AXDND1: variants seen among roughly 807,000 people sequenced by gnomAD.
AXDND1 encodes the protein axonemal dynein light chain domain-containing protein 1.
A neutral mutation model predicts 137.5 loss-of-function variants in AXDND1; 110 were observed. The observed-to-expected ratio is 0.80, with a 90% CI of 0.69 to 0.94. AXDND1 has a LOEUF of 0.94. AXDND1 is among the 40% of genes least tolerant of loss of function. The pLI is 0.00. For missense variants in AXDND1, 1,191 were observed against 1,169.8 expected (o/e 1.02, Z -0.26); for synonymous variants, 414 against 399.7 (o/e 1.04, Z -0.43).
intron 17 of AXDND1, among the ~76,000 whole-genome samples, chr1:179,473,489 ACT>A (rs1267030959): frequency 4.0e-5 from 6 of 151,722 alleles, no homozygotes; most frequent in African/African-American, 1.5e-4. Context: ...CAGCAGTGAA[ACT>A]CTGTCTCAAA....
At chr1:179,511,404 G>GTC (rs1669048847) in intron 21 of AXDND1, among the ~76,000 whole-genome samples, 1 of 150,146 alleles carries the variant, frequency 6.7e-6, no homozygotes, top group Non-Finnish European at 1.5e-5. Context: ...GTGTGTGTGT[G>GTC]TGTGTGTGTG....
At chr1:179,463,098 G>GT (rs1267254679) in intron 16 of AXDND1, among the ~76,000 whole-genome samples, 5 of 152,052 alleles carry the variant, frequency 3.3e-5, no homozygotes, top group African/African-American at 1.2e-4. Context: ...TTTCTGAAGG[G>GT]TTTTTTGTGT....
chr1:179,370,218 C>T, intron 4 of AXDND1, 140 bp downstream of exon 4: 2 of 698,942 alleles, frequency 2.9e-6, no homozygotes, highest in Non-Finnish European at 4.8e-6. Flanking sequence ...AATCAGAATA[C>T]AATCCAGAAG....
chr1:179,461,227 A>G (rs910956176), intron 16 of AXDND1, among the ~76,000 whole-genome samples: 3 of 152,136 alleles, frequency 2.0e-5, no homozygotes, highest in African/African-American at 7.2e-5. Flanking sequence ...TTAATTTTGT[A>G]TAAGGTGTAA....
intron 18 of AXDND1, among the ~76,000 whole-genome samples, chr1:179,483,521 A>AG (rs1209939327): frequency 6.6e-6 from 1 of 152,212 alleles, no homozygotes; most frequent in Non-Finnish European, 1.5e-5. Flanking sequence ...AATAAGAAAA[A>AG]GGGTAACAGA....
chr1:179,551,258 C>T, intron 25 of AXDND1: 5 of 1,614,036 alleles, frequency 3.1e-6, no homozygotes, highest in Non-Finnish European at 4.2e-6. Context: ...TCCCTGAGTT[C>T]TGTTGCTGGG....
Position 179,509,412 on chromosome 1 carries a change from C to T in AXDND1, c.2496+9C>T, listed in dbSNP as rs760615254. 3 of 1,523,090 alleles carry T rather than the reference C, an allele frequency of 2.0e-6. No homozygotes were observed. The highest frequency in any genetic ancestry group is 2.3e-5 in the South Asian group (2 of 88,740). 94.3% of individuals were successfully genotyped at this position (1,523,090 alleles called of 1,614,324 possible). ...AGCGGCTACTTGAAGAGGTATTTGC[C>T]ACATGTTAGCGTTGGTCATTATTCA... is the stretch of plus-strand genomic sequence containing the variant. On this transcript the variant is annotated intron_variant, in intron 21 of 25. Coordinates refer to ENST00000367618, the MANE Select transcript of AXDND1 (RefSeq NM_144696.6).
intron 4 of AXDND1, 54 bp from the exon 5 acceptor site, chr1:179,378,583 T>C (rs1647679969): frequency 7.2e-6 from 10 of 1,387,664 alleles, no homozygotes; most frequent in Non-Finnish European, 7.8e-6. Flanking sequence ...CCTGCTGTTA[T>C]GTGGTATCCA....
chr1:179,495,024 T>G (rs1445595648), intron 20 of AXDND1, among the ~76,000 whole-genome samples: 2 of 152,210 alleles, frequency 1.3e-5, no homozygotes, highest in African/African-American at 4.8e-5. Context: ...CATATATGTC[T>G]TGGTATTATT....
At chr1:179,546,325 A>G (rs923490887) in intron 25 of AXDND1, 2 of 151,886 alleles carry the variant, frequency 1.3e-5, no homozygotes, top group African/African-American at 4.8e-5. Context: ...AAAAAAAAAA[A>G]AAGTATGCCC....
At position 179,507,296 on chromosome 1, in the gene AXDND1, G is replaced by A. The variant is rs1476528755; in HGVS notation, c.2389-2000G>A. Among the ~76,000 whole-genome samples, 8 of 152,218 alleles carry A rather than the reference G, an allele frequency of 5.3e-5. No individual in the cohort carries two copies. The East Asian group carries it at 1.4e-3, about 26-fold the overall frequency. ...AACTTGCTGAACTCTATAGATTATT[G>A]TAAAACGTTTACAGTAAAACTGTAA... On this transcript the variant is annotated intron_variant, in intron 20 of 25. Transcript: ENST00000367618.
At chr1:179,378,591 C>CATAAA in intron 4 of AXDND1, 46 bp from the exon 5 acceptor site, 4 of 1,415,410 alleles carry the variant, frequency 2.8e-6, no homozygotes, top group Middle Eastern at 1.9e-4. Context: ...TATGTGGTAT[C>CATAAA]CAGATAGAAA....
At chr1:179,406,539 G>A (rs1199447430) in intron 11 of AXDND1, among the ~76,000 whole-genome samples, 1 of 152,072 alleles carries the variant, frequency 6.6e-6, no homozygotes, top group Non-Finnish European at 1.5e-5. Context: ...GTGCTCCAGG[G>A]TTGGGTGCAT....
chr1:179,367,429 C>T (rs1054662658), intron 2 of AXDND1, among the ~76,000 whole-genome samples: 2 of 151,988 alleles, frequency 1.3e-5, no homozygotes, highest in Non-Finnish European at 2.9e-5. Flanking sequence ...GCAGGAGAAT[C>T]GCTTGAACCC....
Position 179,486,139 on chromosome 1 carries a change from A to AAAAAACAAAAAACT in AXDND1, c.2091+2920_2091+2921insAAACAAAAAACTAA, listed in dbSNP as rs149119239. On this transcript the variant is annotated intron_variant, in intron 18 of 25. Transcript: ENST00000367618. ...TGTCTCAAAAAAAAAAAAAAAAAAA[A>AAAAAACAAAAAACT]AACCTGATAGAAATGAAAAACACAC... 1.7e-3 allele frequency among the ~76,000 whole-genome samples: 152 copies of AAAAAACAAAAAACT among 87,792 alleles called. 5 individuals are homozygous for AAAAAACAAAAAACT. The highest frequency in any genetic ancestry group is 2.8e-3 in the Admixed American group (17 of 6,034). The allele number at this position is 87,792 out of a possible 152,430, so 57.6% of individuals were successfully genotyped here. A position where few individuals can be genotyped will look rare whatever the true frequency, so the allele number is the denominator to read the frequency against.
At position 179,398,997 on chromosome 1, in the gene AXDND1, A is replaced by G. The variant is rs142436906; in HGVS notation, c.1109+3795A>G. ...TGCCTGCACACACATGGGCCAGCAA[A>G]GTGATGTGGGGCATTGCTGTGGGCC... is the stretch of plus-strand genomic sequence containing the variant. On this transcript the variant is annotated intron_variant, in intron 11 of 25. Transcript: ENST00000367618. Among the ~76,000 whole-genome samples, 509 of 152,238 alleles carry G rather than the reference A, an allele frequency of 3.3e-3. 4 individuals carry two copies. Among genetic ancestry groups the G allele is most frequent in the African/African-American group, 0.012 (485 of 41,544 alleles).
intron 21 of AXDND1, among the ~76,000 whole-genome samples, chr1:179,524,131 G>A (rs1670323382): frequency 6.6e-6 from 1 of 152,100 alleles, no homozygotes; most frequent in Non-Finnish European, 1.5e-5. Flanking sequence ...TTGCAATTGT[G>A]AATTGTGCTG....
chr1:179,515,515 C>T (rs1029037365), intron 21 of AXDND1, among the ~76,000 whole-genome samples: 6 of 152,044 alleles, frequency 3.9e-5, no homozygotes, highest in Non-Finnish European at 7.4e-5. Context: ...TTCTTTTCTT[C>T]GTCTTAACTT....
intron 9 of AXDND1, among the ~76,000 whole-genome samples, chr1:179,388,214 C>T (rs937433441): frequency 6.6e-6 from 1 of 152,146 alleles, no homozygotes; most frequent in African/African-American, 2.4e-5. Context: ...ATTCTTTGTC[C>T]TTGTTTTGTT....
Sources: gnomAD v4.1 joint callset for allele counts (sites outside exome capture counted in the v4.1 genomes callset) on GRCh38, gnomAD v4.1.1 for gene constraint, MANE v1.5 for transcripts, NCBI Gene and HGNC (gene_info 2026-07-23, HGNC 2026-07-21) for gene names.